SLC16A1: variants seen among roughly 807,000 people sequenced by gnomAD.
SLC16A1 encodes monocarboxylate transporter 1.
SLC16A1 carries 11 observed loss-of-function variants against 32.2 expected under a neutral mutation model. That is an observed-to-expected ratio of 0.34 (90% CI 0.21 to 0.56). SLC16A1 has a LOEUF of 0.56. SLC16A1 is among the 20% of genes least tolerant of loss of function. The pLI, the probability that SLC16A1 is intolerant of heterozygous loss-of-function variation, is 0.87. For synonymous variants in SLC16A1, 231 were observed against 226.8 expected, an observed-to-expected ratio of 1.02 and a Z score of -0.17; for missense variants, 435 against 615.0, an observed-to-expected ratio of 0.71 and a Z score of 3.10.
rs187969547 is a variant in SLC16A1 at position 112,943,513 on chromosome 1, C to A, written c.-45+12522G>T. ...CAATTAAAATTGCAAACCGGCTGGG[C>A]GCAGTGGCTCACGCCTGTAATCCCA... On this transcript the variant is annotated intron_variant, in intron 1 of 4. Coordinates refer to ENST00000369626, the MANE Select transcript of SLC16A1 (RefSeq NM_003051.4). 2.0e-5 allele frequency among the ~76,000 whole-genome samples: 3 copies of A among 152,242 alleles called. No individual in the cohort carries two copies. The East Asian group carries it at 5.8e-4, about 29-fold the overall frequency.
At chr1:112,938,115 A>C (rs1321844908) in intron 1 of SLC16A1, among the ~76,000 whole-genome samples, 2 of 152,198 alleles carry the variant, frequency 1.3e-5, no homozygotes, top group African/African-American at 4.8e-5. Flanking sequence ...ATTTAAAATG[A>C]AGCCACTGTC....
chr1:112,921,841 A>T, intron 3 of SLC16A1, 149 bp downstream of exon 3: 2 of 912,094 alleles, frequency 2.2e-6, no homozygotes, highest in Non-Finnish European at 1.7e-6. Context: ...TTGCTTTTCT[A>T]GTACTTTTAT....
chr1:112,954,649 T>C (rs893575428), intron 1 of SLC16A1, among the ~76,000 whole-genome samples: 14 of 152,236 alleles, frequency 9.2e-5, no homozygotes, highest in Non-Finnish European at 1.9e-4. Context: ...TCTATTCAGC[T>C]ATAAAAATCT....
chr1:112,949,741 T>C (rs571369080), intron 1 of SLC16A1, among the ~76,000 whole-genome samples: 3 of 152,218 alleles, frequency 2.0e-5, no homozygotes, highest in East Asian at 3.9e-4. Context: ...GGTTTCGCCA[T>C]GCTGCCCAGT....
intron 2 of SLC16A1, chr1:112,924,110 C>T (rs1648846588): frequency 1.1e-5 from 15 of 1,352,812 alleles, no homozygotes; most frequent in Non-Finnish European, 8.5e-6. Context: ...CCCTGCAGGC[C>T]GCGTATGGCG....
At position 112,914,093 on chromosome 1, in the gene SLC16A1, C is replaced by A. The variant is rs1648419142; in HGVS notation, c.1301G>T (p.Gly434Val). ...GCCCATGCCAATGAAGAGATAGATA[C>A]CTGAAATAATTAGGACGACGCCACA... is the stretch of plus-strand genomic sequence containing the variant. ...WACGVVLIIS[G>V]IYLFIGMGIN... Residue 434 changes from glycine (G) to valine (V), a missense_variant, in exon 5 of 5, where the codon GGT (glycine) becomes GTT (valine). Physicochemically the swap from Gly to Val is moderately radical, Grantham distance 109. Transcript: ENST00000369626. 1 of 1,614,144 alleles carries A rather than the reference C, an allele frequency of 6.2e-7. No individual in the cohort carries two copies. The highest frequency in any genetic ancestry group is 1.7e-5 in the Admixed American group (1 of 60,010).
rs529395083 is a variant in SLC16A1, at chr1:112,920,155, G to A, written c.361+1835C>T. On this transcript the variant is annotated intron_variant, in intron 3 of 4. Transcript: ENST00000369626. ...TTATATTTCTTTTTTCTCATCTTATGTCAGATGTTTTCATCCATTTGGAAT... is the reference window on the plus strand; with the variant it reads ...TTATATTTCTTTTTTCTCATCTTATATCAGATGTTTTCATCCATTTGGAAT... Among the ~76,000 whole-genome samples the A allele has an allele frequency of 1.2e-3, 181 of 152,172 alleles. 1 individual carries two copies. Among genetic ancestry groups the A allele is most frequent in the Middle Eastern group, 6.3e-3 (2 of 316 alleles).
chr1:112,936,963 T>A (rs986638037), intron 1 of SLC16A1, among the ~76,000 whole-genome samples: 1 of 152,314 alleles, frequency 6.6e-6, no homozygotes, highest in Non-Finnish European at 1.5e-5. Flanking sequence ...GGAATGAATA[T>A]GATTAAAAGC....
At chr1:112,918,700 G>A (rs761263743) in intron 3 of SLC16A1, among the ~76,000 whole-genome samples, 2 of 152,142 alleles carry the variant, frequency 1.3e-5, no homozygotes, top group South Asian at 2.1e-4. Context: ...CTACTTGGGC[G>A]GCTAAAGCTG....
intron 1 of SLC16A1, among the ~76,000 whole-genome samples, chr1:112,939,413 A>G (rs1211200183): frequency 2.0e-5 from 3 of 152,228 alleles, no homozygotes; most frequent in Admixed American, 1.3e-4. Context: ...TGGATCTCAA[A>G]GAGATTACCT....
chr1:112,930,562 A>C (rs1369535400), intron 1 of SLC16A1, among the ~76,000 whole-genome samples: 1 of 152,152 alleles, frequency 6.6e-6, no homozygotes, highest in East Asian at 1.9e-4. Flanking sequence ...GCTTAAAGGA[A>C]AATAGCTTCT....
intron 2 of SLC16A1, chr1:112,923,326 A>G: frequency 2.2e-6 from 1 of 448,866 alleles, no homozygotes; most frequent in East Asian, 4.8e-5. Context: ...AACAAACAGC[A>G]ATCCCTAAAG....
At chr1:112,948,855 G>C (rs1649791937) in intron 1 of SLC16A1, among the ~76,000 whole-genome samples, 1 of 138,334 alleles carries the variant, frequency 7.2e-6, no homozygotes, top group African/African-American at 2.7e-5. Flanking sequence ...TTTTGAGACA[G>C]AGTCTCGCTC....
At chr1:112,923,661 C>A in intron 2 of SLC16A1, 1 of 1,498,546 alleles carries the variant, frequency 6.7e-7, no homozygotes, top group Non-Finnish European at 9.3e-7. Flanking sequence ...GCTGCAGTGT[C>A]CCCGAGTGGA....
Position 112,919,236 on chromosome 1 carries a change from G to A in SLC16A1, c.362-1192C>T, listed in dbSNP as rs111445455. On this transcript the variant is annotated intron_variant, in intron 3 of 4. Coordinates refer to ENST00000369626, the MANE Select transcript of SLC16A1 (RefSeq NM_003051.4). ...TTTTTAGTAGAGACGGGGTTTCACC[G>A]TATTAGCCAGGATGGTCTCGATCTC... Among the ~76,000 whole-genome samples, 11 of 151,742 alleles carry A rather than the reference G, an allele frequency of 7.2e-5. No homozygotes were observed. The East Asian group carries it at 7.7e-4, about 11-fold the overall frequency.
chr1:112,940,147 C>A (rs756777763), intron 1 of SLC16A1, among the ~76,000 whole-genome samples: 1 of 151,054 alleles, frequency 6.6e-6, no homozygotes, highest in Non-Finnish European at 1.5e-5. Context: ...AAGTGATCCT[C>A]CCACCTTAGT....
intron 1 of SLC16A1, among the ~76,000 whole-genome samples, chr1:112,935,402 C>T (rs144600244): frequency 7.3e-5 from 11 of 151,368 alleles, no homozygotes; most frequent in African/African-American, 2.2e-4. Context: ...GGCAAGACTC[C>T]GCTTCAAAAA....
At chr1:112,930,206 G>C (rs1444025581) in intron 1 of SLC16A1, among the ~76,000 whole-genome samples, 1 of 152,136 alleles carries the variant, frequency 6.6e-6, no homozygotes, top group African/African-American at 2.4e-5. Flanking sequence ...TGAAGTAAGG[G>C]CCTTAGTCTT....
intron 3 of SLC16A1, among the ~76,000 whole-genome samples, chr1:112,921,058 G>A (rs1409639256): frequency 6.6e-6 from 1 of 151,192 alleles, no homozygotes; most frequent in Non-Finnish European, 1.5e-5. Flanking sequence ...GGAGAATGAC[G>A]TGAATCCAGG....
Sources: gnomAD v4.1 joint callset for allele counts (sites outside exome capture counted in the v4.1 genomes callset) on GRCh38, gnomAD v4.1.1 for gene constraint, MANE v1.5 for transcripts, NCBI Gene and HGNC (gene_info 2026-07-23, HGNC 2026-07-21) for gene names.